The following SEC23IP variants were observed in gnomAD, a reference collection of about 807,000 sequenced individuals.
The protein encoded by SEC23IP is SEC23-interacting protein.
A neutral mutation model predicts 113.4 loss-of-function variants in SEC23IP; 70 were observed. That is an observed-to-expected ratio of 0.62 (90% CI 0.51 to 0.75). The LOEUF is 0.75. Among genes scored for constraint, SEC23IP ranks in the 30% least tolerant of loss-of-function variants. The pLI, the probability that SEC23IP is intolerant of heterozygous loss-of-function variation, is 0.00. For synonymous variants in SEC23IP, 398 were observed against 421.0 expected, an observed-to-expected ratio of 0.95 and a Z score of 0.67; for missense variants, 1,160 against 1,204.9, an observed-to-expected ratio of 0.96 and a Z score of 0.55.
chr10:119,904,211 G>A lies in SEC23IP; in HGVS notation c.1035G>A (p.Trp345Ter), dbSNP rs765497093. 5 of 1,614,208 alleles carry A rather than the reference G, an allele frequency of 3.1e-6. No individual in the cohort carries two copies. Among genetic ancestry groups the A allele is most frequent in the Non-Finnish European group, 4.2e-6 (5 of 1,180,032 alleles). The change falls in exon 4 of 19, where the codon TGG becomes TGA. Residue 345 changes from tryptophan (W) to a stop codon, truncating the protein, a stop_gained. Coordinates refer to ENST00000369075, the MANE Select transcript of SEC23IP (RefSeq NM_007190.4). LOFTEE classifies it high-confidence loss of function. ...CAGCCGAAGTGAGACGCTGTACTTG[G>A]TTTTACAAGGGGGACACAGATAGTC... ...EEPAEVRRCT[W>*]FYKGDTDSRF...
At chr10:119,930,136 T>C (rs1444667142) in intron 14 of SEC23IP, among the ~76,000 whole-genome samples, 193 bp from the exon 15 acceptor site, 1 of 152,246 alleles carries the variant, frequency 6.6e-6, no homozygotes, top group Non-Finnish European at 1.5e-5. Context: ...ATAATTCTTT[T>C]GCTTTGCTTG....
intron 12 of SEC23IP, among the ~76,000 whole-genome samples, chr10:119,922,122 C>T (rs964728872): frequency 2.6e-5 from 4 of 152,188 alleles, no homozygotes; most frequent in Middle Eastern, 3.4e-3. Flanking sequence ...CCCATAATAG[C>T]GTGCTGTGTG....
intron 15 of SEC23IP, among the ~76,000 whole-genome samples, chr10:119,931,495 TG>T (rs1855597597): frequency 6.6e-6 from 1 of 151,526 alleles, no homozygotes; most frequent in Admixed American, 6.6e-5. Context: ...CTACTGTGTC[TG>T]GCCCCTATGT....
intron 3 of SEC23IP, among the ~76,000 whole-genome samples, 167 bp downstream of exon 3, chr10:119,903,176 A>G (rs1162533156): frequency 6.6e-6 from 1 of 152,206 alleles, no homozygotes; most frequent in Non-Finnish European, 1.5e-5. Context: ...TTACCTGGGT[A>G]AGGTATTTGA....
At chr10:119,908,755 C>T (rs1413110442) in intron 4 of SEC23IP, among the ~76,000 whole-genome samples, 1 of 152,076 alleles carries the variant, frequency 6.6e-6, no homozygotes, top group Non-Finnish European at 1.5e-5. Flanking sequence ...TTTTCTAAGT[C>T]ACTCTGTTTG....
At chr10:119,901,044 T>TG (rs34956440) in intron 2 of SEC23IP, among the ~76,000 whole-genome samples, 3,579 of 42,838 alleles carry the variant, frequency 0.084, 191 homozygotes, top group African/African-American at 0.19. Flanking sequence ...TTTTAAAGAG[T>TG]GGGGGGGGGG....
chr10:119,932,512 G>T (rs1305577717), intron 16 of SEC23IP, among the ~76,000 whole-genome samples, 194 bp downstream of exon 16: 1 of 152,054 alleles, frequency 6.6e-6, no homozygotes, highest in African/African-American at 2.4e-5. Flanking sequence ...TTTTTAGTGG[G>T]TTTTTATCTG....
Position 119,942,205 on chromosome 10 carries a change from C to G in SEC23IP, c.*1640C>G, listed in dbSNP as rs1855983648. On this transcript the variant is annotated 3_prime_UTR_variant, in exon 19 of 19. Coordinates refer to ENST00000369075, the MANE Select transcript of SEC23IP (RefSeq NM_007190.4). ...TTCTGAGTAATGGGCAGAGAAGGACCAGGGTTCGTAGAAGAAGCATGTGGC... is the reference window on the plus strand; with the variant it reads ...TTCTGAGTAATGGGCAGAGAAGGACGAGGGTTCGTAGAAGAAGCATGTGGC... 6.6e-6 allele frequency: 1 copy of G among 152,030 alleles called. No individual in the cohort carries two copies. The highest frequency in any genetic ancestry group is 2.4e-5 in the African/African-American group (1 of 41,380). The allele number at this position is 152,030 out of a possible 1,614,324, so 9.4% of individuals were successfully genotyped here.
chr10:119,937,858 C>G (rs1278057842), intron 18 of SEC23IP, among the ~76,000 whole-genome samples: 1 of 151,848 alleles, frequency 6.6e-6, no homozygotes, highest in East Asian at 1.9e-4. Context: ...TATCATATGC[C>G]AAATATTTTG....
At position 119,915,853 on chromosome 10, in the gene SEC23IP, A is replaced by G. The variant is rs1447195239; in HGVS notation, c.1508A>G (p.His503Arg). ...SRVEFLPVHW[H>R]SSLGGDATGV... ...GTGGAGTTCCTTCCAGTTCATTGGC[A>G]TAGTTCTTTGGGTGGGGACGCCACA... Residue 503 changes from histidine (H) to arginine (R), a missense_variant, in exon 8 of 19, where the codon CAT becomes CGT. Coordinates refer to ENST00000369075, the MANE Select transcript of SEC23IP (RefSeq NM_007190.4). The G allele has an allele frequency of 6.3e-7, 1 of 1,590,984 alleles. No homozygotes were observed. The highest frequency in any genetic ancestry group is 1.2e-5 in the South Asian group (1 of 85,772).
chr10:119,902,846 ACCT>A lies in SEC23IP; in HGVS notation c.745_747del (p.Pro249del). The A allele has an allele frequency of 1.9e-6, 3 of 1,614,146 alleles. No individual in the cohort carries two copies. The highest frequency in any genetic ancestry group is 1.7e-6 in the Non-Finnish European group (2 of 1,180,034). On this transcript the variant is annotated inframe_deletion, in exon 3 of 19. Coordinates refer to ENST00000369075, the MANE Select transcript of SEC23IP (RefSeq NM_007190.4). ...CGGCACAGCAGCAGGTACCTGCCAG[ACCT>A]GGGGCTCCCTCTGTTCAAGTGCCAT...
chr10:119,916,855 A>G (rs1041927560), intron 8 of SEC23IP, among the ~76,000 whole-genome samples: 2 of 152,146 alleles, frequency 1.3e-5, no homozygotes, highest in African/African-American at 4.8e-5. Context: ...TATAGGCACA[A>G]ATAACTTTAA....
At chr10:119,921,103 C>T (rs1564918575) in intron 12 of SEC23IP, 119 bp downstream of exon 12, 1 of 650,346 alleles carries the variant, frequency 1.5e-6, no homozygotes, top group Non-Finnish European at 2.6e-6. Flanking sequence ...CTACCTAGGG[C>T]ACAGTAATGG....
At chr10:119,929,328 G>A (rs1168262037) in intron 13 of SEC23IP, among the ~76,000 whole-genome samples, 1 of 152,056 alleles carries the variant, frequency 6.6e-6, no homozygotes, top group African/African-American at 2.4e-5. Flanking sequence ...CCACCTCCCG[G>A]GTTCAAGCGA....
At chr10:119,914,905 A>C in intron 7 of SEC23IP, 86 bp downstream of exon 7, 3 of 1,235,578 alleles carry the variant, frequency 2.4e-6, no homozygotes, top group Admixed American at 1.8e-5. Flanking sequence ...GATAGTTCCC[A>C]GCTGTGTACT....
chr10:119,934,168 C>A (rs1855698842), intron 18 of SEC23IP, among the ~76,000 whole-genome samples: 1 of 152,210 alleles, frequency 6.6e-6, no homozygotes, highest in African/African-American at 2.4e-5. Flanking sequence ...CCACCAGATA[C>A]CCAGAGTGCT....
chr10:119,921,132 C>G (rs1589840414), intron 12 of SEC23IP, 148 bp downstream of exon 12: 1 of 541,652 alleles, frequency 1.8e-6, no homozygotes. Context: ...GAAACCCAGA[C>G]TTAGGAGTCA....
intron 5 of SEC23IP, among the ~76,000 whole-genome samples, chr10:119,911,765 A>G (rs1854870799): frequency 6.6e-6 from 1 of 152,036 alleles, no homozygotes. Context: ...GTGAGCCACC[A>G]TACCTGGCCT....
chr10:119,924,532 G>C (rs936267948), intron 12 of SEC23IP, among the ~76,000 whole-genome samples: 1 of 151,262 alleles, frequency 6.6e-6, no homozygotes, highest in African/African-American at 2.4e-5. Flanking sequence ...CAATTCTCTT[G>C]CCTCAGTCTC....
Sources: gnomAD v4.1 joint callset for allele counts (sites outside exome capture counted in the v4.1 genomes callset) on GRCh38, gnomAD v4.1.1 for gene constraint, MANE v1.5 for transcripts, NCBI Gene and HGNC (gene_info 2026-07-23, HGNC 2026-07-21) for gene names.